ANKRD45: variants seen among roughly 807,000 people sequenced by gnomAD.
The protein encoded by ANKRD45 is ankyrin repeat domain-containing protein 45.
Under a neutral mutation model 28.1 loss-of-function variants are expected in ANKRD45, and 21 were observed. That is an observed-to-expected ratio of 0.75 (90% CI 0.53 to 1.08). The LOEUF (loss-of-function observed/expected upper bound fraction) is 1.08, where lower values mean the gene tolerates loss of function less well. Among genes scored for constraint, ANKRD45 ranks in the 50% least tolerant of loss-of-function variants. ANKRD45 has a pLI of 0.00. For missense variants in ANKRD45, 261 were observed against 308.7 expected (o/e 0.85, Z 1.16); for synonymous variants, 86 against 103.9 (o/e 0.83, Z 1.05).
chr1:173,671,716 CAA>C (rs775239271), upstream of ANKRD45, among the ~76,000 whole-genome samples: 14 of 128,720 alleles, frequency 1.1e-4, no homozygotes, highest in Non-Finnish European at 1.2e-4. Context: ...TAAAAAATAC[CAA>C]AAAAAAAAAA....
At position 173,645,480 on chromosome 1, in the gene ANKRD45, C is replaced by T. The variant is rs566701916; in HGVS notation, c.496+1366G>A. On this transcript the variant is annotated intron_variant, in intron 3 of 5. Coordinates refer to ENST00000333279, the MANE Select transcript of ANKRD45 (RefSeq NM_198493.3). ...AGGTATTGTGGTAACTGCTTTATAT[C>T]ATCTCATTTAATTTTCACAGCAATC... Among the ~76,000 whole-genome samples, 3 of 152,264 alleles carry T rather than the reference C, an allele frequency of 2.0e-5. 1 individual carries two copies. The highest frequency in any genetic ancestry group is 7.2e-5 in the African/African-American group (3 of 41,552).
intron 2 of ANKRD45, among the ~76,000 whole-genome samples, chr1:173,655,383 G>A (rs901247072): frequency 1.3e-5 from 2 of 152,192 alleles, no homozygotes; most frequent in East Asian, 3.9e-4. Flanking sequence ...GAGTTTGCTG[G>A]AGGTCCACTC....
At chr1:173,663,292 T>C (rs1669867618) in intron 1 of ANKRD45, among the ~76,000 whole-genome samples, 1 of 152,144 alleles carries the variant, frequency 6.6e-6, no homozygotes, top group Non-Finnish European at 1.5e-5. Flanking sequence ...CACAAGGAAA[T>C]GAGGCTAGTT....
chr1:173,689,454 T>C, the ANKRD45 span, among the ~76,000 whole-genome samples: 1 of 152,196 alleles, frequency 6.6e-6, no homozygotes, highest in East Asian at 1.9e-4. Flanking sequence ...TTTTCATGTA[T>C]ACTTTCTGAG....
chr1:173,674,137 A>G (rs1440230936), upstream of ANKRD45, among the ~76,000 whole-genome samples: 1 of 151,848 alleles, frequency 6.6e-6, no homozygotes. Context: ...AGCCTCCCAA[A>G]TAGCTGGGAC....
At chr1:173,671,222 C>T (rs1212290789), upstream of ANKRD45, among the ~76,000 whole-genome samples, 2 of 152,010 alleles carry the variant, frequency 1.3e-5, no homozygotes, top group African/African-American at 4.8e-5. Flanking sequence ...TGAGTCTTAT[C>T]ACTCTTCCCA....
the ANKRD45 span, among the ~76,000 whole-genome samples, chr1:173,702,822 T>C: frequency 1.3e-5 from 2 of 151,334 alleles, no homozygotes; most frequent in Admixed American, 6.6e-5. Context: ...TCTGGGCTCA[T>C]GTGATCTTCC....
chr1:173,704,710 G>A, the ANKRD45 span, among the ~76,000 whole-genome samples: 1 of 152,174 alleles, frequency 6.6e-6, no homozygotes, highest in East Asian at 1.9e-4. Flanking sequence ...GAAGCAGGTG[G>A]TCCAATACCA....
chr1:173,630,578 G>A (rs1029771456), intron 3 of ANKRD45, among the ~76,000 whole-genome samples: 1 of 149,854 alleles, frequency 6.7e-6, no homozygotes, highest in Non-Finnish European at 1.5e-5. Context: ...GCTGGGCTTG[G>A]TGGCTCACAT....
At chr1:173,701,115 T>C in the ANKRD45 span, among the ~76,000 whole-genome samples, 2 of 152,180 alleles carry the variant, frequency 1.3e-5, no homozygotes, top group Admixed American at 6.5e-5. Context: ...AAACCCACAA[T>C]GAGATACCAT....
At chr1:173,629,883 A>C (rs1341182698) in intron 3 of ANKRD45, among the ~76,000 whole-genome samples, 3 of 152,204 alleles carry the variant, frequency 2.0e-5, no homozygotes, top group Non-Finnish European at 4.4e-5. Flanking sequence ...TCAAACTCCC[A>C]AAAATCAGGG....
At chr1:173,669,916 T>C (rs991186893), upstream of ANKRD45, 5 of 169,004 alleles carry the variant, frequency 3.0e-5, no homozygotes, top group Admixed American at 6.5e-5. Flanking sequence ...GGGAAGGTTA[T>C]TCTTGGTTGC....
At chr1:173,674,999 T>C in the ANKRD45 span, among the ~76,000 whole-genome samples, 1 of 151,986 alleles carries the variant, frequency 6.6e-6, no homozygotes, top group Admixed American at 6.6e-5. Flanking sequence ...TTTTAGAAGG[T>C]TGTAAAGTCT....
chr1:173,688,152 C>T, the ANKRD45 span, among the ~76,000 whole-genome samples: 1 of 152,100 alleles, frequency 6.6e-6, no homozygotes, highest in African/African-American at 2.4e-5. Flanking sequence ...TCGGGCTATG[C>T]CCTTGTTTAC....
chr1:173,619,649 G>A (rs1056215649), intron 5 of ANKRD45, among the ~76,000 whole-genome samples: 3 of 152,088 alleles, frequency 2.0e-5, no homozygotes, highest in African/African-American at 2.4e-5. Flanking sequence ...CCAACATAGT[G>A]AAACCCAGTC....
At chr1:173,623,655 C>T (rs1323223664) in intron 5 of ANKRD45, among the ~76,000 whole-genome samples, 1 of 152,078 alleles carries the variant, frequency 6.6e-6, no homozygotes, top group African/African-American at 2.4e-5. Flanking sequence ...AAGATATATG[C>T]ATGTGTATGT....
At chr1:173,708,802 T>C in the ANKRD45 span, among the ~76,000 whole-genome samples, 1 of 152,356 alleles carries the variant, frequency 6.6e-6, no homozygotes, top group South Asian at 2.1e-4. Flanking sequence ...AGGATTTAGA[T>C]TCCATCTTAT....
chr1:173,626,357 A>G (rs920486388), intron 4 of ANKRD45, among the ~76,000 whole-genome samples: 1 of 152,212 alleles, frequency 6.6e-6, no homozygotes, highest in Non-Finnish European at 1.5e-5. Flanking sequence ...GCTTAGATCT[A>G]GTACTTAGAT....
At chr1:173,685,406 T>C in the ANKRD45 span, among the ~76,000 whole-genome samples, 10 of 152,226 alleles carry the variant, frequency 6.6e-5, no homozygotes, top group African/African-American at 2.2e-4. Context: ...GACTTATTAC[T>C]CCAGGCTGTA....
Sources: gnomAD v4.1 joint callset for allele counts (sites outside exome capture counted in the v4.1 genomes callset) on GRCh38, gnomAD v4.1.1 for gene constraint, MANE v1.5 for transcripts, NCBI Gene and HGNC (gene_info 2026-07-23, HGNC 2026-07-21) for gene names.